The following IL2RB variants were observed in gnomAD, a reference collection of about 807,000 sequenced individuals.
IL2RB encodes interleukin-2 receptor subunit beta.
IL2RB carries 17 observed loss-of-function variants against 44.2 expected under a neutral mutation model. The observed-to-expected ratio is 0.38, with a 90% CI of 0.26 to 0.58. The LOEUF is 0.58. IL2RB is among the 20% of genes least tolerant of loss of function. The pLI is 0.63. For synonymous variants in IL2RB, 286 were observed against 297.9 expected (o/e 0.96, Z 0.41); for missense variants, 624 against 685.5 (o/e 0.91, Z 1.00).
chr22:37,147,664 G>T (rs1342175043), intron 1 of IL2RB, among the ~76,000 whole-genome samples: 1 of 152,202 alleles, frequency 6.6e-6, no homozygotes, highest in African/African-American at 2.4e-5. Flanking sequence ...GCCAGACACT[G>T]GTCCCAGAGG....
intron 6 of IL2RB, 147 bp from the exon 7 acceptor site, chr22:37,136,540 G>A (rs922870815): frequency 2.4e-6 from 2 of 842,394 alleles, no homozygotes; most frequent in Non-Finnish European, 3.6e-6. Context: ...CAGTTGCTGG[G>A]GCCTCAAACC....
intron 1 of IL2RB, among the ~76,000 whole-genome samples, chr22:37,163,790 C>T: frequency 6.6e-6 from 1 of 152,246 alleles, no homozygotes. Flanking sequence ...ATTTCATGGG[C>T]CTCCGGGAAC....
At chr22:37,155,795 A>G (rs949603348) in intron 1 of IL2RB, among the ~76,000 whole-genome samples, 6 of 151,802 alleles carry the variant, frequency 4.0e-5, no homozygotes, top group East Asian at 1.9e-4. Context: ...TCCTATAACT[A>G]CTTCTCTTAC....
upstream of IL2RB, among the ~76,000 whole-genome samples, chr22:37,152,807 G>T (rs185514718): frequency 3.1e-3 from 473 of 151,860 alleles, 1 homozygote; most frequent in African/African-American, 0.011. Context: ...ATCTATTTAC[G>T]TGCTACATCA....
In IL2RB at chr22:37,138,136, A is replaced by G. The variant is rs117168830; in HGVS notation, c.389-401T>C. On this transcript the variant is annotated intron_variant, in intron 5 of 9. Coordinates refer to ENST00000216223, the MANE Select transcript of IL2RB (RefSeq NM_000878.5). ...ACTTGATTCAGTAGCTGCTGGATGA[A>G]TGACTCACGGCAGCTTTTCTCTGCA... Among the ~76,000 whole-genome samples the G allele has an allele frequency of 3.3e-3, 505 of 152,300 alleles. 26 individuals are homozygous for G. In the East Asian group the frequency reaches 0.086, roughly 26 times the overall value.
At chr22:37,150,251 C>T (rs1421053978), upstream of IL2RB, among the ~76,000 whole-genome samples, 1 of 152,092 alleles carries the variant, frequency 6.6e-6, no homozygotes, top group Non-Finnish European at 1.5e-5. Flanking sequence ...ACACCTCTGA[C>T]GCCTCCATCC....
At chr22:37,150,029 C>A, upstream of IL2RB, 1 of 447,326 alleles carries the variant, frequency 2.2e-6, no homozygotes, top group Non-Finnish European at 3.0e-6. Context: ...ATGAGAAAGC[C>A]TGAAACTCCT....
At chr22:37,143,318 A>G (rs1282678820) in intron 3 of IL2RB, among the ~76,000 whole-genome samples, 1 of 152,090 alleles carries the variant, frequency 6.6e-6, no homozygotes, top group East Asian at 1.9e-4. Context: ...CCCAGGTTCT[A>G]GAAGTCTAAA....
intron 1 of IL2RB, among the ~76,000 whole-genome samples, chr22:37,163,095 G>A (rs922423573): frequency 1.3e-5 from 2 of 152,172 alleles, no homozygotes; most frequent in Non-Finnish European, 2.9e-5. Flanking sequence ...TCACTGCTCT[G>A]GAGCTACAGA....
intron 1 of IL2RB, 72 bp from the exon 2 acceptor site, chr22:37,144,277 T>C: frequency 6.8e-7 from 1 of 1,470,022 alleles, no homozygotes; most frequent in Non-Finnish European, 9.0e-7. Context: ...AGAGGCAGGC[T>C]GGGCCCGCCC....
chr22:37,139,354 G>A (rs1921856762), intron 4 of IL2RB, 132 bp from the exon 5 acceptor site: 1 of 633,170 alleles, frequency 1.6e-6, no homozygotes. Context: ...GGCAGCAAAT[G>A]TTTTCTGTAA....
rs116420363 is a variant in IL2RB at position 37,136,762 on chromosome 22, G to C, written c.538-369C>G. Among the ~76,000 whole-genome samples the C allele has an allele frequency of 6.8e-3, 1,035 of 152,276 alleles. 12 individuals are homozygous for C. The highest frequency in any genetic ancestry group is 0.023 in the African/African-American group (971 of 41,554). ...AGTCTAGTCTCCACAGGACCAGAAA[G>C]TGGGACGTCTCCGCACACCTCTCCC... is the stretch of plus-strand genomic sequence containing the variant. On this transcript the variant is annotated intron_variant, in intron 6 of 9. Coordinates refer to ENST00000216223, the MANE Select transcript of IL2RB (RefSeq NM_000878.5).
intron 1 of IL2RB, among the ~76,000 whole-genome samples, chr22:37,174,140 C>T (rs1372840896): frequency 2.0e-5 from 3 of 152,186 alleles, no homozygotes; most frequent in African/African-American, 2.4e-5. Flanking sequence ...CCAGCTGTGG[C>T]CAATGAGAAG....
At chr22:37,155,576 G>A (rs1394387287) in intron 1 of IL2RB, among the ~76,000 whole-genome samples, 1 of 152,218 alleles carries the variant, frequency 6.6e-6, no homozygotes, top group Non-Finnish European at 1.5e-5. Flanking sequence ...CAGGCCTCAT[G>A]AGTCATCCTA....
chr22:37,155,042 T>C (rs150971387), intron 1 of IL2RB, among the ~76,000 whole-genome samples: 5 of 152,306 alleles, frequency 3.3e-5, no homozygotes, highest in Non-Finnish European at 7.4e-5. Flanking sequence ...CTCTGAGACC[T>C]GGGGACTGCT....
chr22:37,172,214 GTAAAAAA>G (rs1923310324), intron 1 of IL2RB, among the ~76,000 whole-genome samples: 3 of 80,912 alleles, frequency 3.7e-5, no homozygotes, highest in African/African-American at 2.8e-4. Flanking sequence ...TAAAGGTAAA[GTAAAAAA>G]AAAAAAAAAA....
Position 37,128,911 on chromosome 22 carries a change from T to C in IL2RB, c.904-63A>G. On this transcript the variant is annotated intron_variant, in intron 9 of 9. Transcript: ENST00000216223. This position sits in a 1 kb window ranked among gnomAD's most constrained non-coding sequence, Gnocchi z 4.5. Reference sequence around the variant, plus strand: ...TTCCTTCACCCTCCACCCCTTCCTCTGGACTCTCAACAGCTCCTAACTCCT... The same window carrying C: ...TTCCTTCACCCTCCACCCCTTCCTCCGGACTCTCAACAGCTCCTAACTCCT... 1 of 1,527,340 alleles carries C rather than the reference T, an allele frequency of 6.5e-7. No homozygotes were observed. The highest frequency in any genetic ancestry group is 8.8e-7 in the Non-Finnish European group (1 of 1,134,454). The allele number at this position is 1,527,340 out of a possible 1,614,324, so 94.6% of individuals were successfully genotyped here.
At chr22:37,148,115 G>A (rs1252438374) in intron 1 of IL2RB, among the ~76,000 whole-genome samples, 2 of 152,354 alleles carry the variant, frequency 1.3e-5, no homozygotes, top group East Asian at 3.9e-4. Flanking sequence ...TAAACCACAG[G>A]CCCAGCCTAG....
chr22:37,139,865 G>A (rs1921880621), intron 4 of IL2RB, among the ~76,000 whole-genome samples: 1 of 152,212 alleles, frequency 6.6e-6, no homozygotes, highest in Admixed American at 6.5e-5. Flanking sequence ...GGCTGGTCAA[G>A]GGACCTGCGC....
Sources: allele counts gnomAD v4.1 joint callset (sites outside exome capture counted in the v4.1 genomes callset), GRCh38; gene constraint gnomAD v4.1.1; non-coding constraint Gnocchi (gnomAD v3.1); transcripts MANE v1.5; gene names NCBI Gene and HGNC (gene_info 2026-07-23, HGNC 2026-07-21).